SGSM3: variants seen among roughly 807,000 people sequenced by gnomAD.
The protein encoded by SGSM3 is RUN and SH3 containing 3.
A neutral mutation model predicts 100.5 loss-of-function variants in SGSM3; 96 were observed. That is an observed-to-expected ratio of 0.96 (90% CI 0.81 to 1.13). The LOEUF is 1.13. Among genes scored for constraint, SGSM3 ranks in the 50% most tolerant of loss-of-function variants. The probability of loss-of-function intolerance (pLI) is 0.00; values close to 1 mark genes in which losing one functional copy is unlikely to be tolerated. For synonymous variants in SGSM3, 483 were observed against 422.8 expected, an observed-to-expected ratio of 1.14 and a Z score of -1.75; for missense variants, 1,001 against 1,015.8, an observed-to-expected ratio of 0.99 and a Z score of 0.20.
chr22:40,405,772 C>A lies in SGSM3; in HGVS notation c.742C>A (p.Gln248Lys). The A allele has an allele frequency of 6.2e-7, 1 of 1,613,728 alleles. No homozygotes were observed. The highest frequency in any genetic ancestry group is 8.5e-7 in the Non-Finnish European group (1 of 1,179,978). The change falls in exon 8 of 22, where the codon CAG becomes AAG. Residue 248 changes from glutamine to lysine, a missense_variant. Physicochemically the swap from Gln to Lys is moderately conservative, Grantham distance 53. Coordinates refer to ENST00000248929, the MANE Select transcript of SGSM3 (RefSeq NM_015705.6). ...CACCCTGCTGGGTGTCCAGACTGAC[C>A]AGCGGGTCCTGCGCCACCTCATTGT... ...STTLLGVQTD[Q>K]RVLRHLIVQY... is the part of the protein sequence containing the mutation.
intron 1 of SGSM3, among the ~76,000 whole-genome samples, chr22:40,372,122 C>CTTT (rs58396730): frequency 6.3e-4 from 41 of 65,208 alleles, no homozygotes; most frequent in South Asian, 1.6e-3. Context: ...TCCCCCCCCC[C>CTTT]TTTTTTTTTT....
In SGSM3 at chr22:40,407,144, TTCC is replaced by T. The variant is rs2051680732; in HGVS notation, c.1241-51_1241-49del. On this transcript the variant is annotated intron_variant, in intron 11 of 21. Coordinates refer to ENST00000248929, the MANE Select transcript of SGSM3 (RefSeq NM_015705.6). The surrounding 1 kb of genome is among the most constrained non-coding windows in gnomAD (Gnocchi z 4.7). ...CCTCACGCTCATGTGGACGTGGAGC[TTCC>T]TCCTCGGGGGCCTGGAGTGGGCTGT... is the stretch of plus-strand genomic sequence containing the variant. 8.7e-6 allele frequency: 14 copies of T among 1,612,254 alleles called. No individual in the cohort carries two copies. The highest frequency in any genetic ancestry group is 6.6e-5 in the South Asian group (6 of 90,964).
chr22:40,404,458 A>G lies in SGSM3; in HGVS notation c.366+3A>G. ...TCCCACATGGCATGAGGCCACAGGTAAGGTGGCCACAGGGACCCACAGGGT... is the reference window on the plus strand; with the variant it reads ...TCCCACATGGCATGAGGCCACAGGTGAGGTGGCCACAGGGACCCACAGGGT... On this transcript the variant is annotated splice_donor_region_variant and intron_variant, in intron 5 of 21. Transcript: ENST00000248929. 3 of 1,606,050 alleles carry G rather than the reference A, an allele frequency of 1.9e-6. No individual in the cohort carries two copies. The highest frequency in any genetic ancestry group is 1.1e-5 in the South Asian group (1 of 89,968).
chr22:40,385,323 G>T (rs1244702560), intron 1 of SGSM3, among the ~76,000 whole-genome samples: 1 of 152,220 alleles, frequency 6.6e-6, no homozygotes, highest in Non-Finnish European at 1.5e-5. Flanking sequence ...GAGCTAGAAA[G>T]GTAACAGCTT....
chr22:40,396,482 A>G (rs1305849231), intron 1 of SGSM3, among the ~76,000 whole-genome samples: 2 of 151,250 alleles, frequency 1.3e-5, no homozygotes, highest in Non-Finnish European at 2.9e-5. Flanking sequence ...GATCCCAGCT[A>G]CCTGGGAGGC....
chr22:40,384,797 A>G lies in SGSM3; in HGVS notation c.-112+14109A>G, dbSNP rs1034764139. ...CTCCACCTCAAAAAAAAAGAAATAC[A>G]TATTTTAATGTGTTGTGGTATATAG... On this transcript the variant is annotated intron_variant, in intron 1 of 21. Coordinates refer to ENST00000248929, the MANE Select transcript of SGSM3 (RefSeq NM_015705.6). Among the ~76,000 whole-genome samples, 7 of 152,314 alleles carry G rather than the reference A, an allele frequency of 4.6e-5. No homozygotes were observed. The South Asian group carries it at 1.0e-3, about 23-fold the overall frequency.
At chr22:40,380,030 G>A (rs2047303630) in intron 1 of SGSM3, among the ~76,000 whole-genome samples, 1 of 152,022 alleles carries the variant, frequency 6.6e-6, no homozygotes, top group African/African-American at 2.4e-5. Context: ...TTATTAACTG[G>A]CCTTGGGTTG....
At position 40,407,820 on chromosome 22, in the gene SGSM3, T is replaced by C. The variant is rs753540078; in HGVS notation, c.1556T>C (p.Val519Ala). 3.7e-6 allele frequency: 6 copies of C among 1,613,288 alleles called. No individual in the cohort carries two copies. Among genetic ancestry groups the C allele is most frequent in the Non-Finnish European group, 4.2e-6 (5 of 1,179,738 alleles). ...IVSQKDEHCW[V>A]GELNGLRGWF... is the part of the protein sequence containing the mutation. ...TCTCAGAAGGACGAGCACTGCTGGG[T>C]GGGGGAGCTCAACGGCCTGCGAGGT... Residue 519 changes from valine to alanine, a missense_variant, in exon 14 of 22, where the codon GTG becomes GCG. Physicochemically the swap from Val to Ala is moderately conservative, Grantham distance 64. Transcript: ENST00000248929. This position sits in a 1 kb window ranked among gnomAD's most constrained non-coding sequence, Gnocchi z 4.7.
Position 40,405,233 on chromosome 22 carries a change from G to A in SGSM3, c.567G>A (p.Arg189=). 6.4e-7 allele frequency: 1 copy of A among 1,573,440 alleles called. No homozygotes were observed. Among genetic ancestry groups the A allele is most frequent in the Non-Finnish European group, 8.6e-7 (1 of 1,159,314 alleles). Reference sequence around the variant, plus strand: ...TGCCCCGCCTGCGCAGGGTGCTCCGGGCCCTGGCCTGGCTCTACCCAGAGA... The same window carrying A: ...TGCCCCGCCTGCGCAGGGTGCTCCGAGCCCTGGCCTGGCTCTACCCAGAGA... ...IGVPRLRRVL[R]ALAWLYPEIG... The change falls in exon 7 of 22, where the codon CGG becomes CGA. Residue 189 remains arginine (R), a synonymous_variant. Coordinates refer to ENST00000248929, the MANE Select transcript of SGSM3 (RefSeq NM_015705.6).
chr22:40,409,145 G>A, intron 19 of SGSM3, 105 bp from the exon 20 acceptor site: 1 of 1,556,986 alleles, frequency 6.4e-7, no homozygotes. Flanking sequence ...TCCCCAAAGA[G>A]GGTGGTCTGG....
chr22:40,410,218 G>GACAC lies in SGSM3; in HGVS notation c.*461_*464dup. 1 of 1,056,892 alleles carries GACAC rather than the reference G, an allele frequency of 9.5e-7. No homozygotes were observed. The allele number at this position is 1,056,892 out of a possible 1,614,324, so 65.5% of individuals were successfully genotyped here. On this transcript the variant is annotated 3_prime_UTR_variant, in exon 22 of 22. Transcript: ENST00000248929. ...CACTGCGTGGCCCCTCAGATGCTGG[G>GACAC]ACACAACAGACCCGGGACCCAGCTG...
chr22:40,385,054 G>GA (rs1299161762), intron 1 of SGSM3, among the ~76,000 whole-genome samples: 1 of 152,128 alleles, frequency 6.6e-6, no homozygotes, highest in African/African-American at 2.4e-5. Flanking sequence ...AAATAGAGAA[G>GA]AAAAAACAAT....
rs772376221 is a variant in SGSM3 at position 40,407,582 on chromosome 22, C to T, written c.1524+14C>T. 1.1e-5 allele frequency: 17 copies of T among 1,600,452 alleles called. No homozygotes were observed. The East Asian group carries it at 3.8e-4, about 36-fold the overall frequency. On this transcript the variant is annotated intron_variant, in intron 13 of 21. Coordinates refer to ENST00000248929, the MANE Select transcript of SGSM3 (RefSeq NM_015705.6). This position sits in a 1 kb window ranked among gnomAD's most constrained non-coding sequence, Gnocchi z 4.7. ...GACATCATCACAGTGCGTGGGGGCG[C>T]TGGACTACCAGGTCCTCAGGCTGTG...
At chr22:40,400,416 G>T (rs576231694) in intron 1 of SGSM3, among the ~76,000 whole-genome samples, 1 of 152,172 alleles carries the variant, frequency 6.6e-6, no homozygotes, top group Non-Finnish European at 1.5e-5. Context: ...GGCCGAGGCC[G>T]GCGGGATCAC....
At position 40,399,096 on chromosome 22, in the gene SGSM3, G is replaced by A. The variant is rs746887387; in HGVS notation, c.-111-1600G>A. Among the ~76,000 whole-genome samples, 12 of 139,828 alleles carry A rather than the reference G, an allele frequency of 8.6e-5. 2 individuals carry two copies. Among genetic ancestry groups the A allele is most frequent in the Non-Finnish European group, 1.9e-4 (12 of 64,726 alleles). The allele number at this position is 139,828 out of a possible 152,430, so 91.7% of individuals were successfully genotyped here. On this transcript the variant is annotated intron_variant, in intron 1 of 21. Coordinates refer to ENST00000248929, the MANE Select transcript of SGSM3 (RefSeq NM_015705.6). ...CCTCCCGGGTTCAAGCAATTCTTGT[G>A]CCTCAGCCTCTCAAGTAGCTGCGAT... is the stretch of plus-strand genomic sequence containing the variant.
At chr22:40,381,464 G>A (rs1422011417) in intron 1 of SGSM3, among the ~76,000 whole-genome samples, 3 of 152,100 alleles carry the variant, frequency 2.0e-5, no homozygotes, top group Non-Finnish European at 4.4e-5. Context: ...GCATTTTAAC[G>A]ATGCAAGATA....
At chr22:40,395,722 G>A (rs190759933) in intron 1 of SGSM3, among the ~76,000 whole-genome samples, 120 of 152,246 alleles carry the variant, frequency 7.9e-4, no homozygotes, top group Admixed American at 2.2e-3. Context: ...AAGCCCAGGA[G>A]TACAGACTGG....
intron 1 of SGSM3, among the ~76,000 whole-genome samples, chr22:40,397,621 T>C (rs73885698): frequency 0.023 from 3,516 of 152,242 alleles, 133 homozygotes; most frequent in African/African-American, 0.081. Context: ...GGCCTCGTAG[T>C]CCCCTGCTGT....
At chr22:40,381,479 A>C (rs919441137) in intron 1 of SGSM3, among the ~76,000 whole-genome samples, 6 of 152,206 alleles carry the variant, frequency 3.9e-5, no homozygotes, top group African/African-American at 7.2e-5. Flanking sequence ...AAGATAGTGC[A>C]TTTAGGAACT....
Sources: allele counts gnomAD v4.1 joint callset (sites outside exome capture counted in the v4.1 genomes callset), GRCh38; gene constraint gnomAD v4.1.1; non-coding constraint Gnocchi (gnomAD v3.1); transcripts MANE v1.5; gene names NCBI Gene and HGNC (gene_info 2026-07-23, HGNC 2026-07-21).